Variants in POT1 observed in about 807,000 individuals in gnomAD.
POT1 encodes the protein protection of telomeres protein 1.
POT1 carries 47 observed loss-of-function variants against 78.5 expected under a neutral mutation model. The observed-to-expected ratio is 0.60, with a 90% CI of 0.47 to 0.76. The LOEUF (loss-of-function observed/expected upper bound fraction) is 0.76, where lower values mean the gene tolerates loss of function less well. POT1 is among the 30% of genes least tolerant of loss of function. The pLI is 0.00. For synonymous variants in POT1, 259 were observed against 260.7 expected (o/e 0.99, Z 0.06); for missense variants, 646 against 749.9 (o/e 0.86, Z 1.62).
chr7:124,827,396 G>A (rs1584747911), intron 16 of POT1, 91 bp from the exon 17 acceptor site: 3 of 587,826 alleles, frequency 5.1e-6, no homozygotes, highest in South Asian at 4.9e-5. Flanking sequence ...GTATAGACCT[G>A]TAAATTTTAT....
At position 124,907,312 on chromosome 7, in the gene POT1, T is replaced by A. The variant is rs575909443; in HGVS notation, c.-154+8262A>T. On this transcript the variant is annotated intron_variant, in intron 3 of 18. Transcript: ENST00000357628. ...TCCCTTGTCATTAAACAATTCCCTG[T>A]TTAGTATAGCCAAATAGAATATTTA... is the stretch of plus-strand genomic sequence containing the variant. Among the ~76,000 whole-genome samples, 252 of 152,228 alleles carry A rather than the reference T, an allele frequency of 1.7e-3. 3 individuals carry two copies. The highest frequency in any genetic ancestry group is 5.8e-3 in the African/African-American group (241 of 41,542).
chr7:124,897,035 T>C lies in POT1; in HGVS notation c.9+130A>G, dbSNP rs1796507742. On this transcript the variant is annotated intron_variant, in intron 5 of 18. Coordinates refer to ENST00000357628, the MANE Select transcript of POT1 (RefSeq NM_015450.3). ...GCTATAAAAAAGTAAAGATTATGTT[T>C]TTCCAGTGTATTGATAATATATCAA... 1.3e-5 allele frequency: 6 copies of C among 467,932 alleles called. 1 individual carries two copies. Among genetic ancestry groups the C allele is most frequent in the Middle Eastern group, 4.4e-4 (1 of 2,250 alleles). The allele number at this position is 467,932 out of a possible 1,614,324, so 29.0% of individuals were successfully genotyped here. A position where few individuals can be genotyped will look rare whatever the true frequency, so the allele number is the denominator to read the frequency against.
intron 15 of POT1, among the ~76,000 whole-genome samples, chr7:124,831,126 C>T (rs1003611909): frequency 1.3e-5 from 2 of 152,104 alleles, no homozygotes; most frequent in African/African-American, 4.8e-5. Context: ...GCTCGCTGGC[C>T]TGACAAAATT....
At chr7:124,897,301 C>T (rs1796515849) in intron 4 of POT1, 89 bp from the exon 5 acceptor site, 2 of 432,168 alleles carry the variant, frequency 4.6e-6, no homozygotes, top group South Asian at 6.6e-5. Flanking sequence ...TACACACTTA[C>T]TTGTAAAATA....
At chr7:124,863,725 AT>A in intron 7 of POT1, 85 bp from the exon 8 acceptor site, 1 of 1,100,894 alleles carries the variant, frequency 9.1e-7, no homozygotes, top group African/African-American at 1.6e-5. Flanking sequence ...AACTGGAAAG[AT>A]TATCAATTTT....
chr7:124,900,584 G>C (rs975504954), intron 3 of POT1, among the ~76,000 whole-genome samples: 1 of 152,042 alleles, frequency 6.6e-6, no homozygotes, highest in Admixed American at 6.6e-5. Context: ...CCCAGTGTGA[G>C]CCACGCAGAA....
chr7:124,909,389 C>T (rs989163946), intron 3 of POT1, among the ~76,000 whole-genome samples: 1 of 151,748 alleles, frequency 6.6e-6, no homozygotes, highest in Non-Finnish European at 1.5e-5. Context: ...CAACGCTACC[C>T]TTAAGCAAAC....
At chr7:124,870,113 A>T (rs932557966) in intron 7 of POT1, among the ~76,000 whole-genome samples, 7 of 152,182 alleles carry the variant, frequency 4.6e-5, no homozygotes, top group African/African-American at 1.7e-4. Flanking sequence ...CATGTAACAG[A>T]GGAAAAGATG....
chr7:124,824,131 T>A (rs922183661), intron 18 of POT1, 57 bp from the exon 19 acceptor site: 2 of 1,072,586 alleles, frequency 1.9e-6, no homozygotes, highest in Non-Finnish European at 2.7e-6. Flanking sequence ...TAAATAACTC[T>A]GAAATAGGTA....
At chr7:124,872,206 A>C (rs1361828503) in intron 6 of POT1, among the ~76,000 whole-genome samples, 1 of 152,162 alleles carries the variant, frequency 6.6e-6, no homozygotes, top group African/African-American at 2.4e-5. Flanking sequence ...TATACAGACC[A>C]CATTTTCTTT....
intron 14 of POT1, among the ~76,000 whole-genome samples, chr7:124,837,029 T>A (rs1289885589): frequency 6.6e-6 from 1 of 152,216 alleles, no homozygotes. Context: ...TCTGGAGACA[T>A]CCTAACTGAG....
intron 3 of POT1, among the ~76,000 whole-genome samples, chr7:124,913,070 A>C (rs774024486): frequency 3.9e-5 from 6 of 152,156 alleles, no homozygotes; most frequent in Non-Finnish European, 8.8e-5. Context: ...TTGTGCAGAA[A>C]AACTCTCGTT....
chr7:124,917,076 G>T (rs1231252945), intron 2 of POT1, among the ~76,000 whole-genome samples: 3 of 152,108 alleles, frequency 2.0e-5, no homozygotes, highest in African/African-American at 7.2e-5. Context: ...GGGCAGGAAC[G>T]GGTACATAGG....
intron 8 of POT1, 88 bp from the exon 9 acceptor site, chr7:124,859,200 T>A: frequency 1.0e-6 from 1 of 959,982 alleles, no homozygotes; most frequent in Non-Finnish European, 1.5e-6. Flanking sequence ...TATTTAAAAG[T>A]AATTAAACTT....
At chr7:124,916,390 A>G (rs1332661041) in intron 2 of POT1, among the ~76,000 whole-genome samples, 3 of 152,200 alleles carry the variant, frequency 2.0e-5, no homozygotes, top group African/African-American at 7.2e-5. Flanking sequence ...TTACACTTAA[A>G]AGATAGAAAG....
chr7:124,842,947 C>T lies in POT1; in HGVS notation c.1023G>A (p.Gln341=), dbSNP rs147003926. ...QLSATILTDH[Q]YLERTPLCAI... The stretch of plus-strand genomic sequence containing the variant: ...CACATAGTGGTGTCCTCTCCAAATA[C>T]TGATGATCTGTAAGTACTGTAAAGA... Residue 341 remains glutamine, a synonymous_variant, in exon 13 of 19, where the codon CAG becomes CAA. Coordinates refer to ENST00000357628, the MANE Select transcript of POT1 (RefSeq NM_015450.3). 55 of 1,583,178 alleles carry T rather than the reference C, an allele frequency of 3.5e-5. 1 individual carries two copies. The African/African-American group carries it at 4.2e-4, about 12-fold the overall frequency.
chr7:124,865,921 T>C (rs1041155580), intron 7 of POT1, among the ~76,000 whole-genome samples: 6 of 152,158 alleles, frequency 3.9e-5, no homozygotes, highest in Admixed American at 1.3e-4. Context: ...GGAATGTGTA[T>C]GATTTTTTCT....
chr7:124,864,697 C>T (rs1021492849), intron 7 of POT1, among the ~76,000 whole-genome samples: 1 of 152,140 alleles, frequency 6.6e-6, no homozygotes, highest in Non-Finnish European at 1.5e-5. Flanking sequence ...ACGCGTTCTA[C>T]TTCACAAATA....
At chr7:124,832,715 G>T (rs181463781) in intron 15 of POT1, among the ~76,000 whole-genome samples, 24 of 151,888 alleles carry the variant, frequency 1.6e-4, no homozygotes, top group Admixed American at 8.5e-4. Flanking sequence ...CTACTCGGCG[G>T]GGGGGTTGAG....
Sources: allele counts gnomAD v4.1 joint callset (sites outside exome capture counted in the v4.1 genomes callset), GRCh38; gene constraint gnomAD v4.1.1; transcripts MANE v1.5; gene names NCBI Gene and HGNC (gene_info 2026-07-23, HGNC 2026-07-21).